Variants in ULK4 observed in about 807,000 individuals in gnomAD.
ULK4 encodes unc-51 like kinase 4.
A neutral mutation model predicts 160.6 loss-of-function variants in ULK4; 133 were observed. The ratio of observed to expected loss-of-function variants is 0.83; its 90% CI spans 0.72 to 0.96. The LOEUF is 0.96. Ranked by LOEUF, ULK4 falls within the 40% of genes least tolerant of loss-of-function variation. The pLI is 0.00. For synonymous variants in ULK4, 534 were observed against 539.8 expected, an observed-to-expected ratio of 0.99 and a Z score of 0.15; for missense variants, 1,580 against 1,499.5, an observed-to-expected ratio of 1.05 and a Z score of -0.89.
At chr3:41,553,452 A>G (rs1238960029) in intron 32 of ULK4, among the ~76,000 whole-genome samples, 1 of 152,124 alleles carries the variant, frequency 6.6e-6, no homozygotes, top group Non-Finnish European at 1.5e-5. Flanking sequence ...ACACTTCTCA[A>G]AAGAAGACAT....
chr3:41,475,415 C>T (rs568872147), intron 32 of ULK4, among the ~76,000 whole-genome samples: 60 of 152,150 alleles, frequency 3.9e-4, no homozygotes, highest in African/African-American at 1.4e-3. Flanking sequence ...TTTTCTTTGA[C>T]ATATAATGCA....
chr3:41,303,896 C>G (rs1024928655), intron 35 of ULK4, among the ~76,000 whole-genome samples: 2 of 152,006 alleles, frequency 1.3e-5, no homozygotes, highest in Middle Eastern at 3.2e-3. Context: ...TCAGAGCTCC[C>G]CAAGGATTCT....
At chr3:41,881,685 C>T (rs141347306) in intron 17 of ULK4, among the ~76,000 whole-genome samples, 6 of 152,188 alleles carry the variant, frequency 3.9e-5, no homozygotes, top group East Asian at 1.9e-4. Flanking sequence ...GTTCAGTACA[C>T]GCCATTTTTT....
At chr3:41,633,705 C>T (rs969362139) in intron 30 of ULK4, among the ~76,000 whole-genome samples, 2 of 151,922 alleles carry the variant, frequency 1.3e-5, no homozygotes, top group African/African-American at 2.4e-5. Context: ...AGCAGGAATC[C>T]ATAGGAAAAA....
intron 27 of ULK4, chr3:41,687,919 C>T (rs531410159): frequency 6.6e-6 from 1 of 152,204 alleles, no homozygotes; most frequent in Non-Finnish European, 1.5e-5. Context: ...AACATCTCTC[C>T]CACAAGGGCT....
chr3:41,360,314 G>A (rs2081116783), intron 35 of ULK4, among the ~76,000 whole-genome samples: 1 of 152,196 alleles, frequency 6.6e-6, no homozygotes, highest in South Asian at 2.1e-4. Context: ...TATACCGTTG[G>A]TGGGAGTAGA....
chr3:41,360,761 T>G (rs1258882374), intron 35 of ULK4, among the ~76,000 whole-genome samples: 1 of 152,090 alleles, frequency 6.6e-6, no homozygotes, highest in African/African-American at 2.4e-5. Context: ...CATTGGGGCC[T>G]GTCAGAGGGT....
At position 41,246,827 on chromosome 3, in the gene ULK4, G is replaced by A; in HGVS notation, c.*102C>T. 3 of 1,400,968 alleles carry A rather than the reference G, an allele frequency of 2.1e-6. No homozygotes were observed. The highest frequency in any genetic ancestry group is 3.0e-6 in the Non-Finnish European group (3 of 1,015,582). 86.8% of individuals were successfully genotyped at this position (1,400,968 alleles called of 1,614,324 possible). A position where few individuals can be genotyped will look rare whatever the true frequency, so the allele number is the denominator to read the frequency against. On this transcript the variant is annotated 3_prime_UTR_variant, in exon 37 of 37. Coordinates refer to ENST00000301831, the MANE Select transcript of ULK4 (RefSeq NM_017886.4). The stretch of plus-strand genomic sequence containing the variant: ...TTAAGCTGACTTTATTAGGTCCAAA[G>A]ACAGCTGTGAGGGGATGTGGCAAAG...
At chr3:41,676,844 T>C (rs1434844151) in intron 29 of ULK4, among the ~76,000 whole-genome samples, 1 of 151,776 alleles carries the variant, frequency 6.6e-6, no homozygotes, top group Admixed American at 6.6e-5. Flanking sequence ...CTGCCCAGTA[T>C]GCTGCCTCTT....
rs138029956 is a variant in ULK4 at position 41,815,892 on chromosome 3, A to G, written c.1848+3531T>C. Among the ~76,000 whole-genome samples, 326 of 152,352 alleles carry G rather than the reference A, an allele frequency of 2.1e-3. 2 individuals are homozygous for G. The highest frequency in any genetic ancestry group is 3.8e-3 in the Non-Finnish European group (257 of 68,034). ...AGAACAAAATGTAATAGACTCTCTT[A>G]GTGATGTTGGAGGAGAGAAGCATTT... On this transcript the variant is annotated intron_variant, in intron 19 of 36. Coordinates refer to ENST00000301831, the MANE Select transcript of ULK4 (RefSeq NM_017886.4).
At chr3:41,807,283 T>C (rs1171821154) in intron 19 of ULK4, among the ~76,000 whole-genome samples, 1 of 152,178 alleles carries the variant, frequency 6.6e-6, no homozygotes, top group African/African-American at 2.4e-5. Flanking sequence ...CAAAGAAAGA[T>C]ATATAATACT....
At chr3:41,802,490 G>C (rs2040491295) in intron 19 of ULK4, among the ~76,000 whole-genome samples, 1 of 152,002 alleles carries the variant, frequency 6.6e-6, no homozygotes, top group African/African-American at 2.4e-5. Flanking sequence ...ACAGAGATGA[G>C]GTCTCACTCT....
intron 34 of ULK4, among the ~76,000 whole-genome samples, chr3:41,418,353 G>GGGGC (rs2082580790): frequency 7.4e-6 from 1 of 134,974 alleles, no homozygotes; most frequent in African/African-American, 2.8e-5. Context: ...GGGGGGGGGG[G>GGGGC]CACGTTTCTA....
At chr3:41,723,445 C>T (rs1399495849) in intron 22 of ULK4, among the ~76,000 whole-genome samples, 1 of 152,024 alleles carries the variant, frequency 6.6e-6, no homozygotes, top group Non-Finnish European at 1.5e-5. Flanking sequence ...GTCCTCAATC[C>T]ACTAGAAATT....
Position 41,637,580 on chromosome 3 carries a change from T to C in ULK4, c.3072-21863A>G, listed in dbSNP as rs532683803. On this transcript the variant is annotated intron_variant, in intron 30 of 36. Coordinates refer to ENST00000301831, the MANE Select transcript of ULK4 (RefSeq NM_017886.4). ...TCGGTAGTGGCATTGCTGGAACACATGGCAGCTATAGTTTTATTTTTTGAG... is the reference window on the plus strand; with the variant it reads ...TCGGTAGTGGCATTGCTGGAACACACGGCAGCTATAGTTTTATTTTTTGAG... Among the ~76,000 whole-genome samples, 214 of 152,336 alleles carry C rather than the reference T, an allele frequency of 1.4e-3. 1 individual carries two copies. Among genetic ancestry groups the C allele is most frequent in the African/African-American group, 4.9e-3 (204 of 41,592 alleles).
intron 14 of ULK4, among the ~76,000 whole-genome samples, chr3:41,897,839 A>C (rs1315200888): frequency 6.6e-6 from 1 of 152,018 alleles, no homozygotes; most frequent in Non-Finnish European, 1.5e-5. Context: ...AGCCACGATG[A>C]ATAATTTTCC....
chr3:41,943,679 AC>A (rs1159777619), intron 2 of ULK4, among the ~76,000 whole-genome samples: 1 of 152,122 alleles, frequency 6.6e-6, no homozygotes, highest in Non-Finnish European at 1.5e-5. Context: ...ACAGAAGAGA[AC>A]TTTCTCAGGC....
intron 19 of ULK4, among the ~76,000 whole-genome samples, chr3:41,818,734 C>G (rs1043098863): frequency 4.6e-5 from 7 of 152,204 alleles, no homozygotes; most frequent in Non-Finnish European, 1.0e-4. Context: ...ATATATCTTT[C>G]TCATTCCTGA....
chr3:41,705,021 T>C, intron 27 of ULK4, 36 bp downstream of exon 27: 1 of 1,543,302 alleles, frequency 6.5e-7, no homozygotes, highest in South Asian at 1.2e-5. Flanking sequence ...CAAGTAAATT[T>C]AAAAGGAGCT....
Sources: gnomAD v4.1 joint callset for allele counts (sites outside exome capture counted in the v4.1 genomes callset) on GRCh38, gnomAD v4.1.1 for gene constraint, MANE v1.5 for transcripts, NCBI Gene and HGNC (gene_info 2026-07-23, HGNC 2026-07-21) for gene names.